STAT5B: variants seen among roughly 807,000 people sequenced by gnomAD.
The protein encoded by STAT5B is signal transducer and activator of transcription 5B, also known as transcription factor STAT5B.
In STAT5B, 21 loss-of-function variants were observed where a neutral mutation model predicts 107.8. That is an observed-to-expected ratio of 0.19 (90% CI 0.14 to 0.28). The LOEUF (loss-of-function observed/expected upper bound fraction) is 0.28. Ranked by LOEUF, STAT5B falls within the 10% of genes least tolerant of loss-of-function variation. STAT5B has a pLI of 1.00. For missense variants in STAT5B, 565 were observed against 1,008.2 expected (o/e 0.56, Z 5.95); for synonymous variants, 325 against 401.7 (o/e 0.81, Z 2.28).
At chr17:42,227,902 A>T (rs1418940354) in intron 2 of STAT5B, among the ~76,000 whole-genome samples, 1 of 146,602 alleles carries the variant, frequency 6.8e-6, no homozygotes, top group African/African-American at 2.7e-5. Context: ...TCCTTCTTTT[A>T]AAAAAAAAAA....
At chr17:42,262,934 G>GCA (rs2080622497) in intron 1 of STAT5B, among the ~76,000 whole-genome samples, 5 of 36,824 alleles carry the variant, frequency 1.4e-4, no homozygotes, top group Non-Finnish European at 2.1e-4. Context: ...ATATATATAT[G>GCA]TATATATATG....
rs200200711 is a variant in STAT5B, at chr17:42,212,135, G to A, written c.1529C>T (p.Ala510Val). 204 of 1,614,020 alleles carry A rather than the reference G, an allele frequency of 1.3e-4. 1 individual carries two copies. Among genetic ancestry groups the A allele is most frequent in the Admixed American group, 2.5e-4 (15 of 59,988 alleles). ...DKVLWPQLCEALNMKFKAEVQ... is the reference protein window; with the variant it reads ...DKVLWPQLCEVLNMKFKAEVQ... ...TTCGGCCTTGAATTTCATGTTGAGC[G>A]CCTCACACAGCTGTGGCCACAGCAC... Residue 510 changes from alanine to valine, a missense_variant, in exon 13 of 19, where the codon GCG becomes GTG. This residue lies in a region of STAT5B where 127 missense variants were observed against 215.8 expected (regional missense o/e 0.59). Transcript: ENST00000293328.
At chr17:42,254,799 GA>G (rs1296968723) in intron 1 of STAT5B, among the ~76,000 whole-genome samples, 3 of 150,850 alleles carry the variant, frequency 2.0e-5, no homozygotes, top group Admixed American at 6.6e-5. Context: ...TTTAAAAATG[GA>G]AAAAAAAAGA....
chr17:42,219,767 ACCTGCTTCTGCTGGAGG>A lies in STAT5B; in HGVS notation c.609_625del (p.Leu204ValfsTer9). On this transcript the variant is annotated frameshift_variant, in exon 6 of 19. Coordinates refer to ENST00000293328, the MANE Select transcript of STAT5B (RefSeq NM_012448.4). LOFTEE classifies it high-confidence loss of function. ...ACGCTGCAACCAGGCCTCCAGAGAC[ACCTGCTTCTGCTGGAGG>A]GCCGTCTCCCGGCTCAGACGCTCCT... 1 of 1,612,046 alleles carries A rather than the reference ACCTGCTTCTGCTGGAGG, an allele frequency of 6.2e-7. No individual in the cohort carries two copies. Among genetic ancestry groups the A allele is most frequent in the Non-Finnish European group, 8.5e-7 (1 of 1,179,400 alleles).
At chr17:42,221,250 A>G (rs547162370) in intron 5 of STAT5B, among the ~76,000 whole-genome samples, 114 of 151,926 alleles carry the variant, frequency 7.5e-4, no homozygotes, top group Middle Eastern at 3.4e-3. Flanking sequence ...CGGCTACCTC[A>G]GGAATCCTGC....
At chr17:42,247,930 T>C (rs28552790) in intron 1 of STAT5B, among the ~76,000 whole-genome samples, 55,974 of 149,914 alleles carry the variant, frequency 0.37, 11,963 homozygotes, top group African/African-American at 0.59. Flanking sequence ...GCCAGATGGA[T>C]GACAGAGCCA....
chr17:42,276,901 G>GTGGAC (rs1438507741), upstream of STAT5B, among the ~76,000 whole-genome samples: 1 of 152,200 alleles, frequency 6.6e-6, no homozygotes, highest in East Asian at 1.9e-4. The surrounding 1 kb of genome is among the most constrained non-coding windows in gnomAD (Gnocchi z 4.8). Flanking sequence ...CCGGGAGGGC[G>GTGGAC]TCTCAGCCAG....
At chr17:42,214,958 G>T (rs955316316) in intron 12 of STAT5B, among the ~76,000 whole-genome samples, 4 of 152,148 alleles carry the variant, frequency 2.6e-5, no homozygotes, top group African/African-American at 9.6e-5. Flanking sequence ...TTGCTATGCT[G>T]CCTAGGCTAG....
chr17:42,246,798 A>T (rs1260619981), intron 1 of STAT5B, among the ~76,000 whole-genome samples: 2 of 152,142 alleles, frequency 1.3e-5, no homozygotes, highest in East Asian at 3.8e-4. Context: ...AAACACAAAC[A>T]AACACATCCC....
chr17:42,219,158 G>A (rs2140101), intron 7 of STAT5B, among the ~76,000 whole-genome samples, 154 bp downstream of exon 7: 47 of 152,320 alleles, frequency 3.1e-4, no homozygotes, highest in East Asian at 5.8e-4. Flanking sequence ...CAGGATGGGG[G>A]CCAAAGTCTG....
chr17:42,237,738 C>G (rs2080367968), intron 1 of STAT5B, among the ~76,000 whole-genome samples: 1 of 152,186 alleles, frequency 6.6e-6, no homozygotes, highest in Non-Finnish European at 1.5e-5. Flanking sequence ...TGGGGTTAAA[C>G]TTTTAGAGAT....
At chr17:42,212,478 A>G (rs1163410349) in intron 12 of STAT5B, among the ~76,000 whole-genome samples, 1 of 152,224 alleles carries the variant, frequency 6.6e-6, no homozygotes, top group African/African-American at 2.4e-5. Flanking sequence ...ACAAACCAAA[A>G]CATAACCAAG....
rs576517851 is a variant in STAT5B at position 42,212,571 on chromosome 17, G to A, written c.1474-381C>T. ...CTAGGTACAAACAGAGAGAGTGTGC[G>A]TATGTGTGCACACGTGTCGGCATGT... On this transcript the variant is annotated intron_variant, in intron 12 of 18. Transcript: ENST00000293328. Among the ~76,000 whole-genome samples, 342 of 152,284 alleles carry A rather than the reference G, an allele frequency of 2.2e-3. 5 individuals carry two copies. The highest frequency in any genetic ancestry group is 5.7e-4 in the Non-Finnish European group (39 of 68,032).
the STAT5B span, among the ~76,000 whole-genome samples, chr17:42,284,830 T>A: frequency 2.6e-5 from 4 of 152,246 alleles, no homozygotes; most frequent in African/African-American, 9.6e-5. Flanking sequence ...TGGTGCCATC[T>A]GTGCACTTAC....
intron 1 of STAT5B, among the ~76,000 whole-genome samples, chr17:42,245,104 G>C: frequency 7.4e-6 from 1 of 135,458 alleles, no homozygotes; most frequent in Non-Finnish European, 1.6e-5. Flanking sequence ...TTGAGATGGA[G>C]TCTCACTCTG....
intron 1 of STAT5B, among the ~76,000 whole-genome samples, chr17:42,237,214 C>G (rs1005659733): frequency 1.3e-5 from 2 of 152,040 alleles, no homozygotes; most frequent in African/African-American, 4.8e-5. Context: ...GCTTGGAGAG[C>G]CAAATAAATC....
chr17:42,219,263 T>C (rs753548888), intron 7 of STAT5B, 49 bp downstream of exon 7: 1 of 1,592,214 alleles, frequency 6.3e-7, no homozygotes, highest in African/African-American at 1.3e-5. Context: ...GCAGCCGGGA[T>C]CCCCACCAGC....
At position 42,201,523 on chromosome 17, in the gene STAT5B, C is replaced by G. The variant is rs1261447581; in HGVS notation, c.*215G>C. On this transcript the variant is annotated 3_prime_UTR_variant, in exon 19 of 19. Transcript: ENST00000293328. The stretch of plus-strand genomic sequence containing the variant: ...GGAGAAACACCATAACGTGCAAACA[C>G]GCACACACACACACACACACACACA... The G allele has an allele frequency of 8.0e-6, 5 of 628,830 alleles. No individual in the cohort carries two copies. The highest frequency in any genetic ancestry group is 2.2e-5 in the Admixed American group (1 of 45,120). 39.0% of individuals were successfully genotyped at this position (628,830 alleles called of 1,614,324 possible).
intron 16 of STAT5B, among the ~76,000 whole-genome samples, chr17:42,206,808 CA>C (rs1488181876): frequency 2.0e-5 from 3 of 151,168 alleles, no homozygotes; most frequent in African/African-American, 7.3e-5. Context: ...CTCCCGACCT[CA>C]GGTGATCTGC....
Sources: gnomAD v4.1 joint callset for allele counts (sites outside exome capture counted in the v4.1 genomes callset) on GRCh38, gnomAD v4.1.1 for gene constraint, gnomAD v4.1.1 regional missense constraint, Gnocchi (gnomAD v3.1) non-coding constraint, MANE v1.5 for transcripts, NCBI Gene and HGNC (gene_info 2026-07-23, HGNC 2026-07-21) for gene names.